NPIPB2: variants seen among roughly 807,000 people sequenced by gnomAD.
NPIPB2 encodes the protein nuclear pore complex-interacting protein family member B2.
NPIPB2 carries 27 observed loss-of-function variants against 30.8 expected under a neutral mutation model. The observed-to-expected ratio is 0.88, with a 90% confidence interval of 0.65 to 1.21. The LOEUF (loss-of-function observed/expected upper bound fraction) is 1.21, where lower values mean the gene tolerates loss of function less well. Ranked by LOEUF, NPIPB2 falls within the 50% of genes most tolerant of loss-of-function variation. NPIPB2 has a pLI of 0.00. For synonymous variants in NPIPB2, 147 were observed against 162.0 expected (o/e 0.91, Z 0.70); for missense variants, 440 against 446.2 (o/e 0.99, Z 0.13).
intron 1 of NPIPB2, among the ~76,000 whole-genome samples, chr16:11,949,181 G>A (rs967535995): frequency 6.6e-5 from 10 of 152,082 alleles, no homozygotes; most frequent in Admixed American, 5.3e-4. Context: ...AGAGAGAAAG[G>A]CTTTGGTAAG....
chr16:11,933,955 G>T, intron 2 of NPIPB2, 31 bp from the exon 3 acceptor site: 1 of 1,496,016 alleles, frequency 6.7e-7, no homozygotes, highest in Non-Finnish European at 9.2e-7. Context: ...AATGACGGCT[G>T]GGCACGGTGG....
chr16:11,942,654 G>A (rs1018868992), upstream of NPIPB2, among the ~76,000 whole-genome samples: 6 of 152,054 alleles, frequency 3.9e-5, no homozygotes, highest in African/African-American at 7.2e-5. Context: ...AAGAAACAAA[G>A]TTCATCAGCT....
chr16:11,960,177 C>G (rs538703434), intron 1 of NPIPB2, among the ~76,000 whole-genome samples: 1 of 152,166 alleles, frequency 6.6e-6, no homozygotes. Flanking sequence ...CTCCCAGTGA[C>G]GAACAGTTCT....
intron 1 of NPIPB2, among the ~76,000 whole-genome samples, chr16:11,973,246 A>G (rs529127470): frequency 6.0e-5 from 9 of 151,184 alleles, no homozygotes; most frequent in Admixed American, 2.0e-4. Context: ...TCTGGCTCCC[A>G]TTTCCCATCA....
chr16:11,933,513 T>A lies in NPIPB2; in HGVS notation c.488+4A>T. ...AACAATATTTGTGTCAAGGCACATC[T>A]TACTGTTTTTTGGCGGTCTTCCTCT... On this transcript the variant is annotated splice_donor_region_variant and intron_variant, in intron 4 of 7. Transcript: ENST00000399147. 1 of 1,596,922 alleles carries A rather than the reference T, an allele frequency of 6.3e-7. No individual in the cohort carries two copies. Among genetic ancestry groups the A allele is most frequent in the Non-Finnish European group, 8.5e-7 (1 of 1,179,158 alleles).
chr16:11,967,786 G>A (rs11570159), intron 1 of NPIPB2: 2 of 1,614,214 alleles, frequency 1.2e-6, no homozygotes, highest in African/African-American at 1.3e-5. Context: ...AATGACTATT[G>A]CAAGAGCCTG....
intron 1 of NPIPB2, among the ~76,000 whole-genome samples, chr16:11,949,011 G>T (rs184621198): frequency 1.3e-5 from 2 of 151,670 alleles, no homozygotes; most frequent in African/African-American, 4.8e-5. Context: ...GGTGCCTGCC[G>T]CATGCCTGTA....
At chr16:11,972,153 A>C (rs1221411527) in intron 1 of NPIPB2, among the ~76,000 whole-genome samples, 2 of 152,070 alleles carry the variant, frequency 1.3e-5, no homozygotes, top group East Asian at 2.0e-4. Context: ...GTCTCAAAAA[A>C]ACAAAAACAA....
At chr16:11,946,615 A>G (rs1052929716), upstream of NPIPB2, among the ~76,000 whole-genome samples, 2 of 152,102 alleles carry the variant, frequency 1.3e-5, no homozygotes, top group Non-Finnish European at 2.9e-5. Context: ...CATATCCACT[A>G]GGATGACTAA....
Position 11,968,124 on chromosome 16 carries a change from G to A in NPIPB2, c.-584+8444C>T, listed in dbSNP as rs11570160. 4.2e-4 allele frequency: 154 copies of A among 370,170 alleles called. 2 individuals carry two copies. The highest frequency in any genetic ancestry group is 3.1e-3 in the African/African-American group (148 of 47,792). The allele number at this position is 370,170 out of a possible 1,614,324, so 22.9% of individuals were successfully genotyped here. ...AAAACAAGCATGTATACCAGTGTGG[G>A]GGGTGAGGGTGGGAGAGAAAGGTGG... On this transcript the variant is annotated intron_variant, in intron 1 of 5. Transcript: ENST00000538896.
chr16:11,933,535 C>T (rs930530877), exon 4 of NPIPB2: 1 of 1,597,002 alleles, frequency 6.3e-7, no homozygotes, highest in Non-Finnish European at 8.5e-7. Flanking sequence ...GGCGGTCTTC[C>T]TCTTTCCATT....
intron 2 of NPIPB2, among the ~76,000 whole-genome samples, chr16:11,937,060 C>T (rs2054877030): frequency 6.6e-6 from 1 of 151,876 alleles, no homozygotes; most frequent in African/African-American, 2.4e-5. Context: ...AAGCATCAAC[C>T]ATCCAGCCCT....
intron 1 of NPIPB2, among the ~76,000 whole-genome samples, chr16:11,950,359 A>G (rs6498255): frequency 0.19 from 28,856 of 151,960 alleles, 5,168 homozygotes; most frequent in African/African-American, 0.46. Flanking sequence ...TCTAAGAGAT[A>G]GGGTCTTATT....
At chr16:11,950,179 C>A (rs1279917920) in intron 1 of NPIPB2, among the ~76,000 whole-genome samples, 1 of 152,012 alleles carries the variant, frequency 6.6e-6, no homozygotes, top group Non-Finnish European at 1.5e-5. Flanking sequence ...ATTACAGACA[C>A]CTGCCACCAC....
chr16:11,972,543 C>T (rs570690020), intron 1 of NPIPB2, among the ~76,000 whole-genome samples: 2 of 151,964 alleles, frequency 1.3e-5, no homozygotes, highest in Non-Finnish European at 2.9e-5. Flanking sequence ...CCACTGCACT[C>T]CAGCATGAGT....
At chr16:11,927,457 C>T (rs752553430) in exon 8 of NPIPB2, 16 of 1,151,078 alleles carry the variant, frequency 1.4e-5, no homozygotes, top group South Asian at 2.7e-5. Flanking sequence ...CCTCAGCGGC[C>T]CTCCGCCTCT....
intron 1 of NPIPB2, among the ~76,000 whole-genome samples, chr16:11,960,896 T>C (rs1468363519): frequency 6.6e-6 from 1 of 151,166 alleles, no homozygotes; most frequent in Non-Finnish European, 1.5e-5. Context: ...AGACACGGTC[T>C]CACTCCGTAG....
At chr16:11,976,116 C>A (rs1435254061) in intron 1 of NPIPB2, among the ~76,000 whole-genome samples, 5 of 151,938 alleles carry the variant, frequency 3.3e-5, no homozygotes, top group African/African-American at 1.2e-4. Context: ...CCTCCCTCCA[C>A]CTCCTCAATC....
At chr16:11,970,475 A>T (rs939038237) in intron 1 of NPIPB2, among the ~76,000 whole-genome samples, 1 of 151,980 alleles carries the variant, frequency 6.6e-6, no homozygotes, top group Non-Finnish European at 1.5e-5. Context: ...GGCCTGCCAA[A>T]GTGCTAGAAT....
Sources: gnomAD v4.1 joint callset for allele counts (sites outside exome capture counted in the v4.1 genomes callset) on GRCh38, gnomAD v4.1.1 for gene constraint, MANE v1.5 for transcripts, NCBI Gene and HGNC (gene_info 2026-07-23, HGNC 2026-07-21) for gene names.